EHMT2: variants seen among roughly 807,000 people sequenced by gnomAD.
EHMT2 encodes the protein histone-lysine N-methyltransferase EHMT2.
EHMT2 carries 59 observed loss-of-function variants against 143.3 expected under a neutral mutation model. The observed-to-expected ratio is 0.41, with a 90% CI of 0.33 to 0.51. The LOEUF is 0.51. EHMT2 is among the 20% of genes least tolerant of loss of function. The pLI, the probability that EHMT2 is intolerant of heterozygous loss-of-function variation, is 0.18. For synonymous variants in EHMT2, 604 were observed against 651.5 expected (o/e 0.93, Z 1.11); for missense variants, 1,174 against 1,645.9 (o/e 0.71, Z 4.96).
rs368874100 is a variant in EHMT2, at chr6:31,887,681, G to A, written c.1929-22C>T. On this transcript the variant is annotated intron_variant, in intron 14 of 27. Transcript: ENST00000375537. ...CCGCCTGCCAAGGGAGCACGGGAGC[G>A]GGGAGAGAAGGGGAGCTCCTCAGAT... 1.4e-5 allele frequency: 23 copies of A among 1,611,138 alleles called. No homozygotes were observed. The African/African-American group carries it at 2.0e-4, about 14-fold the overall frequency.
Position 31,884,509 on chromosome 6 carries a change from T to C in EHMT2, c.2654A>G (p.Asp885Gly). 2 of 1,612,826 alleles carry C rather than the reference T, an allele frequency of 1.2e-6. No individual in the cohort carries two copies. Among genetic ancestry groups the C allele is most frequent in the Non-Finnish European group, 1.7e-6 (2 of 1,179,978 alleles). Reference sequence around the variant, plus strand: ...CTCGGGAGTCAGGTCCCATGCTGTGTCCCCCTCTTTGTTCCGCAGCTCAGG... The same window carrying C: ...CTCGGGAGTCAGGTCCCATGCTGTGCCCCCCTCTTTGTTCCGCAGCTCAGG... Residue 885 changes from aspartate to glycine, a missense_variant, in exon 21 of 28, where the codon GAC becomes GGC. Physicochemically the swap from Asp to Gly is moderately conservative, Grantham distance 94. Coordinates refer to ENST00000375537, the Ensembl canonical transcript of EHMT2. This position sits in a 1 kb window ranked among gnomAD's most constrained non-coding sequence, Gnocchi z 7.3.
At chr6:31,892,350 A>G (rs1456962248) in intron 7 of EHMT2, 57 bp downstream of exon 7, 10 of 1,582,706 alleles carry the variant, frequency 6.3e-6, no homozygotes, top group Non-Finnish European at 5.2e-6. Flanking sequence ...AGGACTGGAC[A>G]GTGAGCCCCA....
Position 31,888,504 on chromosome 6 carries a change from C to T in EHMT2, c.1368G>A (p.Leu456=). 6.2e-7 allele frequency: 1 copy of T among 1,612,146 alleles called. No homozygotes were observed. Among genetic ancestry groups the T allele is most frequent in the Non-Finnish European group, 8.5e-7 (1 of 1,179,548 alleles). ...TGAGGATGGCGGCATTGCAGCCTGA[C>T]AGCTGTGCGCAGTGAGGATGGGTGA... Residue 456 remains leucine (L), a splice_region_variant and synonymous_variant, in exon 12 of 28, where the codon CTG becomes CTA. Transcript: ENST00000375537. This position sits in a 1 kb window ranked among gnomAD's most constrained non-coding sequence, Gnocchi z 7.4.
intron 4 of EHMT2, chr6:31,893,343 T>C (rs760509091): frequency 2.2e-6 from 1 of 448,060 alleles, no homozygotes; most frequent in Admixed American, 2.5e-5. Context: ...TTTTAAGAGA[T>C]AAGGTCTCAT....
In EHMT2 at chr6:31,889,678, C is replaced by T; in HGVS notation, c.865-76G>A. ...AGGTGAGTAAAGAAAACCACCACCA[C>T]CATTGCCCCCCGCCACTACCCACGG... On this transcript the variant is annotated intron_variant, in intron 7 of 27. Transcript: ENST00000375537. The surrounding 1 kb of genome is among the most constrained non-coding windows in gnomAD (Gnocchi z 5.1). 1.9e-6 allele frequency: 3 copies of T among 1,572,142 alleles called. No homozygotes were observed. Among genetic ancestry groups the T allele is most frequent in the Non-Finnish European group, 1.7e-6 (2 of 1,158,648 alleles).
Position 31,883,183 on chromosome 6 carries a change from G to C in EHMT2, c.2995-174C>G. 1 of 856,954 alleles carries C rather than the reference G, an allele frequency of 1.2e-6. No individual in the cohort carries two copies. Among genetic ancestry groups the C allele is most frequent in the Non-Finnish European group, 1.9e-6 (1 of 536,078 alleles). 53.1% of individuals were successfully genotyped at this position (856,954 alleles called of 1,614,324 possible). ...TCATCCCTGGTTTGCATAGACCTGG[G>C]CACACGCCCATCGCTGTCCCAGCCA... is the stretch of plus-strand genomic sequence containing the variant. On this transcript the variant is annotated intron_variant, in intron 23 of 27. Transcript: ENST00000375537. The surrounding 1 kb of genome is among the most constrained non-coding windows in gnomAD (Gnocchi z 5.6).
chr6:31,886,632 C>T (rs758280824), exon 18 of EHMT2: 2 of 1,613,648 alleles, frequency 1.2e-6, no homozygotes, highest in Admixed American at 1.7e-5. Context: ...TGACCATCTC[C>T]AAGTTCCCGA....
rs1765442421 is a variant in EHMT2 at position 31,889,714 on chromosome 6, G to C, written c.865-112C>G. 1.5e-6 allele frequency: 2 copies of C among 1,376,390 alleles called. No individual in the cohort carries two copies. Among genetic ancestry groups the C allele is most frequent in the Non-Finnish European group, 2.0e-6 (2 of 986,818 alleles). The allele number at this position is 1,376,390 out of a possible 1,614,324, so 85.3% of individuals were successfully genotyped here. On this transcript the variant is annotated intron_variant, in intron 7 of 27. Transcript: ENST00000375537. This position sits in a 1 kb window ranked among gnomAD's most constrained non-coding sequence, Gnocchi z 5.1. The stretch of plus-strand genomic sequence containing the variant: ...CGCCACTACCCACGGATGGCTGCTG[G>C]GGATAAGTGTGGGTAGCAGAGGAGA...
intron 1 of EHMT2, 70 bp downstream of exon 1, chr6:31,897,566 T>C: frequency 9.1e-7 from 1 of 1,101,348 alleles, no homozygotes; most frequent in Non-Finnish European, 1.1e-6. Context: ...CCCGGAGCAT[T>C]GCACGGGCGC....
At chr6:31,887,735 T>C in intron 14 of EHMT2, 44 bp downstream of exon 14, 1 of 1,604,964 alleles carries the variant, frequency 6.2e-7, no homozygotes, top group Non-Finnish European at 8.5e-7. Context: ...ACCACTCCTC[T>C]GGCCTCAGCC....
At position 31,881,046 on chromosome 6, in the gene EHMT2, CCT is replaced by C. The variant is rs752586775; in HGVS notation, c.3242_3243del (p.Glu1081GlyfsTer2). ...TCTAAGTCGAAGAGGTAAGAATCAT[CCT>C]CTCTCACATCAGCCTCAGCATCAGA... On this transcript the variant is annotated frameshift_variant, in exon 26 of 28. Transcript: ENST00000375537. LOFTEE classifies it high-confidence loss of function. The surrounding 1 kb of genome is among the most constrained non-coding windows in gnomAD (Gnocchi z 4.8). 1 of 1,612,982 alleles carries C rather than the reference CCT, an allele frequency of 6.2e-7. No homozygotes were observed. Among genetic ancestry groups the C allele is most frequent in the South Asian group, 1.1e-5 (1 of 91,090 alleles).
At chr6:31,896,634 C>G in exon 3 of EHMT2, 1 of 1,586,988 alleles carries the variant, frequency 6.3e-7, no homozygotes, top group Non-Finnish European at 8.6e-7. Context: ...CACGGAGGTC[C>G]CCATCTCCCT....
intron 15 of EHMT2, 65 bp from the exon 16 acceptor site, chr6:31,887,166 T>TGGCA: frequency 7.2e-7 from 1 of 1,382,824 alleles, no homozygotes; most frequent in Non-Finnish European, 9.9e-7. Context: ...AGGGGGCAGG[T>TGGCA]GGCACTTCTT....
At chr6:31,897,642 G>T in exon 1 of EHMT2, 1 of 1,158,590 alleles carries the variant, frequency 8.6e-7, no homozygotes, top group Non-Finnish European at 1.1e-6. Context: ...GCACCTCGGC[G>T]GCCGCCGCCG....
chr6:31,883,908 G>A lies in EHMT2; in HGVS notation c.2814C>T (p.Val938=). 6.2e-7 allele frequency: 1 copy of A among 1,613,992 alleles called. No homozygotes were observed. Among genetic ancestry groups the A allele is most frequent in the Non-Finnish European group, 8.5e-7 (1 of 1,179,962 alleles). The stretch of plus-strand genomic sequence containing the variant: ...GGCAGGGCTCCCCATCCACACCGTT[G>A]ACACAGGGAATGGGCACGTTCTCAT... Residue 938 remains valine, a synonymous_variant, in exon 22 of 28, where the codon GTC becomes GTT. Transcript: ENST00000375537. The surrounding 1 kb of genome is among the most constrained non-coding windows in gnomAD (Gnocchi z 5.6).
In EHMT2 at chr6:31,896,880, G is replaced by A. The variant is rs777573876; in HGVS notation, c.109+43C>T. ...AGGGCTCAGGAGATCCTGTGTTTAG[G>A]GAAGGTGACGGTCCAATTGGGGCCC... is the stretch of plus-strand genomic sequence containing the variant. On this transcript the variant is annotated intron_variant, in intron 2 of 27. Coordinates refer to ENST00000375537, the Ensembl canonical transcript of EHMT2. 5 of 1,611,940 alleles carry A rather than the reference G, an allele frequency of 3.1e-6. No homozygotes were observed. The South Asian group carries it at 3.3e-5, about 11-fold the overall frequency.
exon 4 of EHMT2, chr6:31,896,494 G>A: frequency 4.3e-6 from 7 of 1,612,936 alleles, no homozygotes; most frequent in Non-Finnish European, 5.1e-6. Context: ...TGGGGGAAGA[G>A]GGGAATGACT....
At chr6:31,895,605 G>C (rs1024565870) in intron 4 of EHMT2, 1 of 151,922 alleles carries the variant, frequency 6.6e-6, no homozygotes, top group Non-Finnish European at 1.5e-5. Context: ...AGACCAGCCT[G>C]GGCAACATAG....
chr6:31,890,984 C>A (rs868679119), intron 7 of EHMT2, among the ~76,000 whole-genome samples: 2 of 151,306 alleles, frequency 1.3e-5, no homozygotes, highest in Non-Finnish European at 2.9e-5. Context: ...CTCTTGTTGC[C>A]GAGGCTGGAG....
Sources: allele counts gnomAD v4.1 joint callset (sites outside exome capture counted in the v4.1 genomes callset), GRCh38; gene constraint gnomAD v4.1.1; non-coding constraint Gnocchi (gnomAD v3.1); transcripts MANE v1.5; gene names NCBI Gene and HGNC (gene_info 2026-07-23, HGNC 2026-07-21).